BCL9L: variants seen among roughly 807,000 people sequenced by gnomAD.
The protein encoded by BCL9L is BCL9 like.
BCL9L carries 19 observed loss-of-function variants against 99.4 expected under a neutral mutation model. The observed-to-expected ratio is 0.19, with a 90% CI of 0.13 to 0.28. The LOEUF (loss-of-function observed/expected upper bound fraction) is 0.28. BCL9L is among the 10% of genes least tolerant of loss of function. The probability of loss-of-function intolerance (pLI) is 1.00; values close to 1 mark genes in which losing one functional copy is unlikely to be tolerated. For missense variants in BCL9L, 2,023 were observed against 2,101.6 expected (o/e 0.96, Z 0.73); for synonymous variants, 900 against 854.8 (o/e 1.05, Z -0.92).
intron 3 of BCL9L, among the ~76,000 whole-genome samples, chr11:118,909,270 C>G (rs1844774649): frequency 6.6e-6 from 1 of 151,920 alleles, no homozygotes; most frequent in South Asian, 2.1e-4. Context: ...GGGAGGGGAG[C>G]GGTGTGTCAA....
Position 118,900,164 on chromosome 11 carries a change from G to A in BCL9L, c.3159C>T (p.Ser1053=), listed in dbSNP as rs140688006. The change falls in exon 9 of 10, where the codon TCC becomes TCT. Residue 1053 remains serine (S), a synonymous_variant. Transcript: ENST00000683865. This position sits in a 1 kb window ranked among gnomAD's most constrained non-coding sequence, Gnocchi z 5.3. ...TLPPSGPRSS[S]SAPPANPPSG... is the part of the protein sequence containing the mutation. The stretch of plus-strand genomic sequence containing the variant: ...TGGGAGGGTTGGCGGGAGGTGCTGA[G>A]GAGCTGCTCCGGGGGCCGCTAGGCG... 140 of 1,609,890 alleles carry A rather than the reference G, an allele frequency of 8.7e-5. No homozygotes were observed. In the African/African-American group the frequency reaches 1.7e-3, roughly 20 times the overall value.
chr11:118,924,473 A>G (rs1941230725), intron 1 of BCL9L, among the ~76,000 whole-genome samples: 1 of 151,754 alleles, frequency 6.6e-6, no homozygotes, highest in Admixed American at 6.6e-5. Context: ...CACCCTCCAG[A>G]CTCCTAGACT....
chr11:118,901,010 G>A lies in BCL9L; in HGVS notation c.2733C>T (p.Gly911=), dbSNP rs2137687813. ...TVHSAPNRGL[G]RRPSDLTISI... is the part of the protein sequence containing the mutation. ...TGATGGTGAGGTCCGAAGGCCGCCT[G>A]CCTAGCCCCCGGTTTGGGGCTGAAT... Residue 911 remains glycine, a synonymous_variant, in exon 8 of 10, where the codon GGC becomes GGT. Transcript: ENST00000683865. The surrounding 1 kb of genome is among the most constrained non-coding windows in gnomAD (Gnocchi z 6.6). 6.4e-7 allele frequency: 1 copy of A among 1,558,166 alleles called. No homozygotes were observed. The highest frequency in any genetic ancestry group is 8.7e-7 in the Non-Finnish European group (1 of 1,151,222).
chr11:118,902,663 G>A lies in BCL9L; in HGVS notation c.1080C>T (p.Thr360=), dbSNP rs573699726. ...CTCCAGGAGGCAGAGGGTTGTTGGCGGTGGTAGCCGTCGGGGTGTTAGGGT... is the reference window on the plus strand; with the variant it reads ...CTCCAGGAGGCAGAGGGTTGTTGGCAGTGGTAGCCGTCGGGGTGTTAGGGT... The part of the protein sequence containing the change: ...GTHPNTPTAT[T]ANNPLPPGGD... The change falls in exon 8 of 10, where the codon ACC becomes ACT. Residue 360 remains threonine (T), a synonymous_variant. Transcript: ENST00000683865. The surrounding 1 kb of genome is among the most constrained non-coding windows in gnomAD (Gnocchi z 7.8). 64 of 1,599,496 alleles carry A rather than the reference G, an allele frequency of 4.0e-5. No individual in the cohort carries two copies. Among genetic ancestry groups the A allele is most frequent in the Admixed American group, 1.7e-5 (1 of 60,008 alleles).
intron 2 of BCL9L, among the ~76,000 whole-genome samples, chr11:118,916,757 C>T (rs1206149385): frequency 6.6e-6 from 1 of 152,210 alleles, no homozygotes; most frequent in Non-Finnish European, 1.5e-5. Context: ...TGCCCAGGCA[C>T]GGCACAGGGA....
chr11:118,915,950 C>G (rs1035810724), intron 2 of BCL9L, among the ~76,000 whole-genome samples: 5 of 152,212 alleles, frequency 3.3e-5, no homozygotes, highest in African/African-American at 1.2e-4. Flanking sequence ...CTGCGCCCAG[C>G]AGGACCCACT....
chr11:118,898,312 C>CCCCCCCCCCCCCCCCCCCCCCCCCCCAA lies in BCL9L; in HGVS notation c.*102_*103insTTGGGGGGGGGGGGGGGGGGGGGGGGGG. On this transcript the variant is annotated 3_prime_UTR_variant, in exon 10 of 10. Transcript: ENST00000683865. ...TACACAAGCCCCCTCCCACCCCCTC[C>CCCCCCCCCCCCCCCCCCCCCCCCCCCAA]ACCCCACCCCGCGACCCAGGCCATC... 1 of 686,074 alleles carries CCCCCCCCCCCCCCCCCCCCCCCCCCCAA rather than the reference C, an allele frequency of 1.5e-6. No homozygotes were observed. Among genetic ancestry groups the CCCCCCCCCCCCCCCCCCCCCCCCCCCAA allele is most frequent in the East Asian group, 4.2e-5 (1 of 23,544 alleles). The allele number at this position is 686,074 out of a possible 1,614,324, so 42.5% of individuals were successfully genotyped here.
chr11:118,901,554 C>T lies in BCL9L; in HGVS notation c.2189G>A (p.Gly730Asp). The part of the protein sequence containing the change: ...PAMFPGQMAG[G>D]EGLAGTPMGM... ...CATGGGAGTGCCCGCCAGGCCCTCACCACCAGCCATCTGCCCGGGAAACAT... is the reference window on the plus strand; with the variant it reads ...CATGGGAGTGCCCGCCAGGCCCTCATCACCAGCCATCTGCCCGGGAAACAT... Residue 730 changes from glycine (G) to aspartate (D), a missense_variant, in exon 8 of 10, where the codon GGT becomes GAT. Physicochemically the swap from Gly to Asp is moderately conservative, Grantham distance 94 (BLOSUM62 -1). Transcript: ENST00000683865. This position sits in a 1 kb window ranked among gnomAD's most constrained non-coding sequence, Gnocchi z 6.6. The T allele has an allele frequency of 1.9e-6, 3 of 1,614,134 alleles. No individual in the cohort carries two copies. The highest frequency in any genetic ancestry group is 2.5e-6 in the Non-Finnish European group (3 of 1,180,026).
Position 118,901,511 on chromosome 11 carries a change from TCCA to T in BCL9L, c.2229_2231del (p.Gly745del), listed in dbSNP as rs936171633. 2 of 1,614,030 alleles carry T rather than the reference TCCA, an allele frequency of 1.2e-6. No individual in the cohort carries two copies. The highest frequency in any genetic ancestry group is 1.7e-6 in the Non-Finnish European group (2 of 1,180,002). Reference sequence around the variant, plus strand: ...TGGGAGGGCTCAGGAGGCCCCGGCCTCCACCAAACTCCATGCCCATGGGAGTGC... The same window carrying T: ...TGGGAGGGCTCAGGAGGCCCCGGCCTCCAAACTCCATGCCCATGGGAGTGC... On this transcript the variant is annotated inframe_deletion, in exon 8 of 10. Transcript: ENST00000683865. This position sits in a 1 kb window ranked among gnomAD's most constrained non-coding sequence, Gnocchi z 6.6.
intron 2 of BCL9L, among the ~76,000 whole-genome samples, chr11:118,916,318 A>ACATCTTAGTCCC (rs1940961848): frequency 6.6e-6 from 1 of 152,150 alleles, no homozygotes; most frequent in Non-Finnish European, 1.5e-5. Flanking sequence ...CACTTCTACC[A>ACATCTTAGTCCC]CATCTTAGTC....
Position 118,897,299 on chromosome 11 carries a change from T to C in BCL9L, c.*1116A>G. ...GCCCCAGTGGCACCATGCCACCCCT[T>C]CCATGGCTCCACTCAAGGGGGCCAC... On this transcript the variant is annotated 3_prime_UTR_variant, in exon 10 of 10. Transcript: ENST00000683865. 6.0e-6 allele frequency: 1 copy of C among 167,488 alleles called. No homozygotes were observed. Among genetic ancestry groups the C allele is most frequent in the Non-Finnish European group, 1.3e-5 (1 of 76,210 alleles). 10.4% of individuals were successfully genotyped at this position (167,488 alleles called of 1,614,324 possible).
At chr11:118,916,193 G>A (rs1940957338) in intron 2 of BCL9L, among the ~76,000 whole-genome samples, 1 of 152,194 alleles carries the variant, frequency 6.6e-6, no homozygotes, top group African/African-American at 2.4e-5. Flanking sequence ...TCTAGATCCA[G>A]AGGAACATGA....
rs1436878846 is a variant in BCL9L, at chr11:118,897,673, TGGCCATGTAG to T, written c.*732_*741del. ...ACCCAGAGACACTGCAAACAGTGGG[TGGCCATGTAG>T]GGCTGCATGTCCCTGGGTCCAGGGG... On this transcript the variant is annotated 3_prime_UTR_variant, in exon 10 of 10. Transcript: ENST00000683865. 7 of 409,262 alleles carry T rather than the reference TGGCCATGTAG, an allele frequency of 1.7e-5. No individual in the cohort carries two copies. The highest frequency in any genetic ancestry group is 2.9e-5 in the Non-Finnish European group (6 of 208,068). 25.4% of individuals were successfully genotyped at this position (409,262 alleles called of 1,614,324 possible). A position where few individuals can be genotyped will look rare whatever the true frequency, so the allele number is the denominator to read the frequency against.
chr11:118,901,501 G>C lies in BCL9L; in HGVS notation c.2242C>G (p.Leu748Val). 1 of 1,614,118 alleles carries C rather than the reference G, an allele frequency of 6.2e-7. No individual in the cohort carries two copies. Among genetic ancestry groups the C allele is most frequent in the Non-Finnish European group, 8.5e-7 (1 of 1,180,022 alleles). The change falls in exon 8 of 10, where the codon CTC becomes GTC. Residue 748 changes from leucine to valine, a missense_variant. Physicochemically the swap from Leu to Val is conservative, Grantham distance 32. This residue lies in a region of BCL9L where 1,116 missense variants were observed against 1,194.6 expected (regional missense o/e 0.93). Coordinates refer to ENST00000683865, the MANE Select transcript of BCL9L (RefSeq NM_001378213.1). The surrounding 1 kb of genome is among the most constrained non-coding windows in gnomAD (Gnocchi z 6.6). The part of the protein sequence containing the change: ...MGMEFGGGRG[L>V]LSPPMGQSGL... ...GACTGCCCCATGGGAGGGCTCAGGA[G>C]GCCCCGGCCTCCACCAAACTCCATG...
Position 118,902,324 on chromosome 11 carries a change from A to T in BCL9L, c.1419T>A (p.Ile473=), listed in dbSNP as rs1940289013. Residue 473 remains isoleucine (I), a synonymous_variant, in exon 8 of 10, where the codon ATT becomes ATA. Transcript: ENST00000683865. This position sits in a 1 kb window ranked among gnomAD's most constrained non-coding sequence, Gnocchi z 7.8. ...GGCCCCCTAGGCTCTGTGTCTGTGA[A>T]ATCATGGACTGCAAGGGTTCCTCAT... ...KKYEEPLQSM[I]SQTQSLGGPP... 1 of 1,552,184 alleles carries T rather than the reference A, an allele frequency of 6.4e-7. No individual in the cohort carries two copies. Among genetic ancestry groups the T allele is most frequent in the African/African-American group, 1.4e-5 (1 of 72,956 alleles).
At chr11:118,917,842 G>A (rs1222211465) in intron 2 of BCL9L, among the ~76,000 whole-genome samples, 1 of 152,086 alleles carries the variant, frequency 6.6e-6, no homozygotes, top group Non-Finnish European at 1.5e-5. Context: ...GAGGGCACAA[G>A]GCTAGTCACC....
chr11:118,901,044 C>T lies in BCL9L; in HGVS notation c.2699G>A (p.Gly900Glu). Residue 900 changes from glycine to glutamate, a missense_variant, in exon 8 of 10, where the codon GGG (glycine) becomes GAG (glutamate). Gly to Glu is a moderately conservative substitution (Grantham distance 98, BLOSUM62 -2). Coordinates refer to ENST00000683865, the MANE Select transcript of BCL9L (RefSeq NM_001378213.1). The surrounding 1 kb of genome is among the most constrained non-coding windows in gnomAD (Gnocchi z 6.6). ...CCGGTTTGGGGCTGAATGCACGGTC[C>T]CAGGAGGATTGGACGCAGGGGGCAG... is the stretch of plus-strand genomic sequence containing the variant. Reference protein sequence around the residue: ...MPLPPASNPPGTVHSAPNRGL... With the variant: ...MPLPPASNPPETVHSAPNRGL... 6.3e-7 allele frequency: 1 copy of T among 1,591,810 alleles called. No individual in the cohort carries two copies. Among genetic ancestry groups the T allele is most frequent in the Non-Finnish European group, 8.6e-7 (1 of 1,168,516 alleles).
chr11:118,900,030 C>G lies in BCL9L; in HGVS notation c.3293G>C (p.Ser1098Thr). 1.9e-6 allele frequency: 3 copies of G among 1,613,938 alleles called. No homozygotes were observed. The highest frequency in any genetic ancestry group is 1.1e-5 in the South Asian group (1 of 91,064). Residue 1098 changes from serine (S) to threonine (T), a missense_variant, in exon 9 of 10, where the codon AGC (serine) becomes ACC (threonine). Ser to Thr is a moderately conservative substitution (Grantham distance 58, BLOSUM62 1). Coordinates refer to ENST00000683865, the MANE Select transcript of BCL9L (RefSeq NM_001378213.1). This position sits in a 1 kb window ranked among gnomAD's most constrained non-coding sequence, Gnocchi z 5.3. ...GGCATTGTGGTAGAGCGGGGTGGAG[C>G]TGGGCATGGCGTACTTGGACATCTG... ...MTQMSKYAMP[S>T]STPLYHNAIK...
chr11:118,911,544 G>A (rs896171684), intron 2 of BCL9L, among the ~76,000 whole-genome samples: 1 of 152,268 alleles, frequency 6.6e-6, no homozygotes, highest in African/African-American at 2.4e-5. Flanking sequence ...CAGAGGCAGA[G>A]GCTGGAGTCA....
Sources: gnomAD v4.1 joint callset for allele counts (sites outside exome capture counted in the v4.1 genomes callset) on GRCh38, gnomAD v4.1.1 for gene constraint, gnomAD v4.1.1 regional missense constraint, Gnocchi (gnomAD v3.1) non-coding constraint, MANE v1.5 for transcripts, NCBI Gene and HGNC (gene_info 2026-07-23, HGNC 2026-07-21) for gene names.